ZFYVE27: variants seen among roughly 807,000 people sequenced by gnomAD.
The protein encoded by ZFYVE27 is protrudin.
In ZFYVE27, 36 loss-of-function variants were observed where a neutral mutation model predicts 52.8. The observed-to-expected ratio is 0.68, with a 90% CI of 0.52 to 0.90. ZFYVE27 has a LOEUF of 0.90. Among genes scored for constraint, ZFYVE27 ranks in the 40% least tolerant of loss-of-function variants. The pLI is 0.00. For missense variants in ZFYVE27, 450 were observed against 527.2 expected, an observed-to-expected ratio of 0.85 and a Z score of 1.43; for synonymous variants, 223 against 215.6, an observed-to-expected ratio of 1.03 and a Z score of -0.30.
chr10:97,743,800 A>G (rs1457201886), intron 3 of ZFYVE27, among the ~76,000 whole-genome samples: 1 of 152,172 alleles, frequency 6.6e-6, no homozygotes, highest in East Asian at 1.9e-4. Flanking sequence ...GTCATGGGTA[A>G]TGTCTTCTAT....
intron 10 of ZFYVE27, among the ~76,000 whole-genome samples, chr10:97,756,600 G>A (rs1359737508): frequency 1.3e-5 from 2 of 152,078 alleles, no homozygotes; most frequent in Non-Finnish European, 2.9e-5. Flanking sequence ...CTAAGCTGCC[G>A]TTGCCCCTCC....
intron 2 of ZFYVE27, among the ~76,000 whole-genome samples, chr10:97,739,869 T>C (rs1027190993): frequency 6.7e-6 from 1 of 150,258 alleles, no homozygotes; most frequent in Non-Finnish European, 1.5e-5. Context: ...TTGGATTTGA[T>C]TGAAGTTAGA....
chr10:97,743,039 C>G lies in ZFYVE27; in HGVS notation c.198-55C>G. 2.5e-6 allele frequency: 4 copies of G among 1,597,028 alleles called. No homozygotes were observed. The Admixed American group carries it at 6.7e-5, about 27-fold the overall frequency. ...GTCCCGTCTGTGCTGCCTGGTCTCC[C>G]CTCCCCAGCTGGAGGAGTGACTCTC... On this transcript the variant is annotated intron_variant, in intron 2 of 12. Transcript: ENST00000684270.
At chr10:97,748,457 C>T in intron 5 of ZFYVE27, 93 bp downstream of exon 5, 1 of 1,304,744 alleles carries the variant, frequency 7.7e-7, no homozygotes, top group Non-Finnish European at 1.1e-6. Flanking sequence ...CTCTGCCCCT[C>T]TTACCTCAGG....
At chr10:97,759,090 C>A in intron 12 of ZFYVE27, 146 bp from the exon 13 acceptor site, 2 of 816,650 alleles carry the variant, frequency 2.4e-6, no homozygotes, top group Non-Finnish European at 4.2e-6. Context: ...AGAAGAATCT[C>A]TGCGGGCAGG....
In ZFYVE27 at chr10:97,753,125, A is replaced by T; in HGVS notation, c.985A>T (p.Ser329Cys). The change falls in exon 10 of 13, where the codon AGC becomes TGC. Residue 329 changes from serine to cysteine, a missense_variant. Ser to Cys is a moderately radical substitution (Grantham distance 112). Transcript: ENST00000684270. ...CCTGAGCAAGAATGAGGTGCTGCGCAGCAAGGTGTCTCGGCTCACGGAGCG... is the reference window on the plus strand; with the variant it reads ...CCTGAGCAAGAATGAGGTGCTGCGCTGCAAGGTGTCTCGGCTCACGGAGCG... ...GFLSKNEVLR[S>C]KVSRLTERLR... is the part of the protein sequence containing the mutation. The T allele has an allele frequency of 6.2e-7, 1 of 1,612,288 alleles. No individual in the cohort carries two copies. Among genetic ancestry groups the T allele is most frequent in the East Asian group, 2.2e-5 (1 of 44,784 alleles).
At chr10:97,738,896 A>G (rs558534985) in intron 2 of ZFYVE27, 6 of 578,730 alleles carry the variant, frequency 1.0e-5, no homozygotes, top group Middle Eastern at 4.7e-4. Context: ...CCTTTCAGCA[A>G]GGTTCTTCTT....
intron 4 of ZFYVE27, among the ~76,000 whole-genome samples, chr10:97,747,444 A>C (rs1042831601): frequency 3.9e-5 from 6 of 152,200 alleles, no homozygotes; most frequent in Non-Finnish European, 8.8e-5. Flanking sequence ...TCAGTTTATT[A>C]CTATGATGGT....
chr10:97,753,331 A>G, intron 10 of ZFYVE27, 149 bp downstream of exon 10: 1 of 1,274,430 alleles, frequency 7.8e-7, no homozygotes, highest in Non-Finnish European at 1.1e-6. Flanking sequence ...TGTCCGCGGG[A>G]CCCCGGGGAG....
At chr10:97,757,806 G>C (rs1159649826) in intron 12 of ZFYVE27, 83 bp downstream of exon 12, 1 of 1,401,004 alleles carries the variant, frequency 7.1e-7, no homozygotes, top group Non-Finnish European at 1.0e-6. Flanking sequence ...AAGGGTGTCA[G>C]AGGTCAAGGG....
intron 3 of ZFYVE27, among the ~76,000 whole-genome samples, chr10:97,744,501 A>G (rs1282252993): frequency 6.6e-6 from 1 of 152,248 alleles, no homozygotes; most frequent in Admixed American, 6.5e-5. Flanking sequence ...ATTAGAGGAG[A>G]CAACAGACAT....
chr10:97,750,464 C>T lies in ZFYVE27; in HGVS notation c.798C>T (p.Pro266=). 6.2e-7 allele frequency: 1 copy of T among 1,614,060 alleles called. No individual in the cohort carries two copies. Among genetic ancestry groups the T allele is most frequent in the African/African-American group, 1.3e-5 (1 of 75,054 alleles). ...TGGACAGCACGCCTGCCCTCACACC[C>T]ACGGAGGTAAGTGCCACTGTCAGGG... ...GLMDSTPALT[P]TEDLTPGSVE... Residue 266 remains proline (P), a synonymous_variant, in exon 7 of 13, where the codon CCC becomes CCT. Transcript: ENST00000684270.
chr10:97,752,474 C>T (rs745576741), intron 8 of ZFYVE27, among the ~76,000 whole-genome samples: 6 of 152,052 alleles, frequency 3.9e-5, no homozygotes, highest in African/African-American at 7.3e-5. Context: ...TGTTCATGAC[C>T]CATAGTAAGG....
chr10:97,751,439 G>T lies in ZFYVE27; in HGVS notation c.853G>T (p.Glu285Ter). 6.2e-7 allele frequency: 1 copy of T among 1,614,004 alleles called. No individual in the cohort carries two copies. The highest frequency in any genetic ancestry group is 8.5e-7 in the Non-Finnish European group (1 of 1,179,884). The change falls in exon 8 of 13, where the codon GAA becomes TAA. Residue 285 changes from glutamate to a stop codon, truncating the protein, a stop_gained. Transcript: ENST00000684270. LOFTEE classifies it high-confidence loss of function. ...GGAGGCTGAGGAGGCTGAGCCAGAT[G>T]AAGAGTTTAAAGATGCGATTGAGGT... ...VEEAEEAEPD[E>*]EFKDAIEETH...
In ZFYVE27 at chr10:97,738,702, C is replaced by G. The variant is rs753610020; in HGVS notation, c.197+28C>G. The G allele has an allele frequency of 3.2e-5, 51 of 1,613,208 alleles. 1 individual carries two copies. The South Asian group carries it at 4.5e-4, about 14-fold the overall frequency. On this transcript the variant is annotated intron_variant, in intron 2 of 12. Coordinates refer to ENST00000684270, the MANE Select transcript of ZFYVE27 (RefSeq NM_001385875.1). The stretch of plus-strand genomic sequence containing the variant: ...ACAGACTTTGTGGAGTTGCTCTGGT[C>G]TGCTCTGCCTTCTGCCGTCCTGCTC...
chr10:97,748,308 C>T lies in ZFYVE27; in HGVS notation c.495C>T (p.Cys165=). 1 of 1,614,166 alleles carries T rather than the reference C, an allele frequency of 6.2e-7. No homozygotes were observed. The highest frequency in any genetic ancestry group is 8.5e-7 in the Non-Finnish European group (1 of 1,180,040). ...QLEAFLSRLC[C]TCEAAYRVLH... ...AGGCCTTCCTGAGCCGCCTGTGCTG[C>T]ACATGTGAAGCCGCCTACCGCGTGC... The change falls in exon 5 of 13, where the codon TGC becomes TGT. Residue 165 remains cysteine (C), a synonymous_variant. Transcript: ENST00000684270.
intron 12 of ZFYVE27, 31 bp downstream of exon 12, chr10:97,757,754 T>C (rs758403159): frequency 1.2e-6 from 2 of 1,609,376 alleles, no homozygotes; most frequent in African/African-American, 2.7e-5. Context: ...GAGGGCTTGG[T>C]TGGTATCCCG....
In ZFYVE27 at chr10:97,749,617, C is replaced by T. The variant is rs577633751; in HGVS notation, c.664+31C>T. 2.6e-5 allele frequency: 41 copies of T among 1,578,940 alleles called. No individual in the cohort carries two copies. In the South Asian group the frequency reaches 4.3e-4, roughly 17 times the overall value. On this transcript the variant is annotated intron_variant, in intron 6 of 12. Transcript: ENST00000684270. Reference sequence around the variant, plus strand: ...CCCTGAAGGGCCTGAAAGATGGGGCCCAAGCTGGCTCTGAGGGCTAGGCTA... The same window carrying T: ...CCCTGAAGGGCCTGAAAGATGGGGCTCAAGCTGGCTCTGAGGGCTAGGCTA...
intron 4 of ZFYVE27, among the ~76,000 whole-genome samples, chr10:97,746,043 A>C (rs1468344578): frequency 3.6e-5 from 2 of 55,536 alleles, no homozygotes; most frequent in African/African-American, 1.7e-4. Context: ...ATATATATAT[A>C]TATATATATT....
Sources: allele counts gnomAD v4.1 joint callset (sites outside exome capture counted in the v4.1 genomes callset), GRCh38; gene constraint gnomAD v4.1.1; transcripts MANE v1.5; gene names NCBI Gene and HGNC (gene_info 2026-07-23, HGNC 2026-07-21).